The following MYH10 variants were observed in gnomAD, a reference collection of about 807,000 sequenced individuals.
MYH10 encodes myosin-10.
MYH10 carries 55 observed loss-of-function variants against 257.8 expected under a neutral mutation model. The observed-to-expected ratio is 0.21, with a 90% CI of 0.17 to 0.27. The LOEUF is 0.27. Among genes scored for constraint, MYH10 ranks in the 10% least tolerant of loss-of-function variants. The pLI is 1.00. For missense variants in MYH10, 1,631 were observed against 2,500.6 expected, an observed-to-expected ratio of 0.65 and a Z score of 7.42; for synonymous variants, 854 against 921.7, an observed-to-expected ratio of 0.93 and a Z score of 1.33.
At chr17:8,548,854 T>C in intron 9 of MYH10, 67 bp from the exon 10 acceptor site, 2 of 1,392,742 alleles carry the variant, frequency 1.4e-6, no homozygotes. Context: ...CATAACTGCA[T>C]TCAAACTGTG....
Position 8,545,422 on chromosome 17 carries a change from A to G in MYH10, c.1431+26T>C. 1 of 1,611,312 alleles carries G rather than the reference A, an allele frequency of 6.2e-7. No homozygotes were observed. The highest frequency in any genetic ancestry group is 8.5e-7 in the Non-Finnish European group (1 of 1,178,806). Reference sequence around the variant, plus strand: ...AAAAGAACAAACAAAAAGAAGGACGAGCTAGAGGAAGAGGGGGAAGAATAC... The same window carrying G: ...AAAAGAACAAACAAAAAGAAGGACGGGCTAGAGGAAGAGGGGGAAGAATAC... On this transcript the variant is annotated intron_variant, in intron 13 of 42. Transcript: ENST00000360416. This position sits in a 1 kb window ranked among gnomAD's most constrained non-coding sequence, Gnocchi z 4.7.
intron 7 of MYH10, among the ~76,000 whole-genome samples, chr17:8,558,903 C>A (rs1318928487): frequency 6.6e-6 from 1 of 152,178 alleles, no homozygotes; most frequent in Non-Finnish European, 1.5e-5. Flanking sequence ...CTGCTTTCTG[C>A]ATTTGTCCAC....
chr17:8,491,372 T>G (rs1000261116), intron 34 of MYH10, among the ~76,000 whole-genome samples: 2 of 152,238 alleles, frequency 1.3e-5, no homozygotes, highest in African/African-American at 4.8e-5. Flanking sequence ...TTTCACTGTG[T>G]AACCATGGCC....
intron 9 of MYH10, among the ~76,000 whole-genome samples, chr17:8,550,456 C>T (rs1230221874): frequency 2.0e-5 from 3 of 151,534 alleles, no homozygotes; most frequent in Admixed American, 1.3e-4. Context: ...GCCCGGCAGC[C>T]GCCCCGTCTG....
chr17:8,564,358 C>T (rs934586467), intron 7 of MYH10, among the ~76,000 whole-genome samples: 2 of 152,232 alleles, frequency 1.3e-5, no homozygotes, highest in African/African-American at 2.4e-5. Context: ...TGAAATTTCA[C>T]TGTATACACA....
In MYH10 at chr17:8,513,875, G is replaced by T; in HGVS notation, c.2524C>A (p.Gln842Lys). The T allele has an allele frequency of 6.2e-7, 1 of 1,614,112 alleles. No individual in the cohort carries two copies. Among genetic ancestry groups the T allele is most frequent in the Non-Finnish European group, 8.5e-7 (1 of 1,179,952 alleles). ...AAGACCTTTAAGGCACTTAGTTGCT[G>T]CTGCTTCTTGGCAAAGGCCCTGAAG... ...LARKAFAKKQQQLSALKVLQR... is the reference protein window; with the variant it reads ...LARKAFAKKQKQLSALKVLQR... Residue 842 changes from glutamine to lysine, a missense_variant, in exon 22 of 43, where the codon CAG becomes AAG. Around this residue, in one of 11 missense-constraint regions of MYH10, gnomAD observed 116 missense variants for 221.6 expected, o/e 0.52. Transcript: ENST00000360416.
At chr17:8,518,419 CCA>C (rs1442703895) in intron 21 of MYH10, among the ~76,000 whole-genome samples, 1 of 152,138 alleles carries the variant, frequency 6.6e-6, no homozygotes, top group African/African-American at 2.4e-5. Flanking sequence ...CAGGCCTGAG[CCA>C]CCACGCCCAG....
chr17:8,547,069 G>A (rs1001040970), intron 11 of MYH10, among the ~76,000 whole-genome samples: 1 of 152,082 alleles, frequency 6.6e-6, no homozygotes, highest in South Asian at 2.1e-4. Flanking sequence ...CCCTACTGCT[G>A]GGAGGCTACC....
At chr17:8,536,575 T>C (rs2082144295) in intron 14 of MYH10, among the ~76,000 whole-genome samples, 1 of 151,872 alleles carries the variant, frequency 6.6e-6, no homozygotes, top group Non-Finnish European at 1.5e-5. Flanking sequence ...CCGAGGCAGG[T>C]GGATCACGAG....
intron 37 of MYH10, 48 bp downstream of exon 37, chr17:8,484,090 T>G: frequency 1.4e-6 from 2 of 1,477,062 alleles, no homozygotes; most frequent in African/African-American, 3.0e-5. Flanking sequence ...TGGAGAAATT[T>G]CAAGGGCAAA....
rs2081087414 is a variant in MYH10 at position 8,506,801 on chromosome 17, A to G, written c.3215-312T>C. The stretch of plus-strand genomic sequence containing the variant: ...GCTGGAATCCTCTCATGTCAAACAC[A>G]TCACTGTACCCAGGTTTGCAAAGTG... On this transcript the variant is annotated intron_variant, in intron 26 of 42. Transcript: ENST00000360416. The surrounding 1 kb of genome is among the most constrained non-coding windows in gnomAD (Gnocchi z 5.0). Among the ~76,000 whole-genome samples, 1 of 152,220 alleles carries G rather than the reference A, an allele frequency of 6.6e-6. No individual in the cohort carries two copies. The highest frequency in any genetic ancestry group is 2.4e-5 in the African/African-American group (1 of 41,454).
chr17:8,575,347 A>AC (rs1292346614), intron 6 of MYH10, among the ~76,000 whole-genome samples: 3 of 152,250 alleles, frequency 2.0e-5, no homozygotes, highest in African/African-American at 7.2e-5. Context: ...CAATAGCGAC[A>AC]CAAGTACAAA....
At chr17:8,602,094 G>A (rs907428893) in intron 3 of MYH10, among the ~76,000 whole-genome samples, 2 of 151,360 alleles carry the variant, frequency 1.3e-5, no homozygotes, top group African/African-American at 4.9e-5. Context: ...TCCCGCCTCA[G>A]CCTCCCGAGT....
chr17:8,622,076 T>C (rs566083469), intron 2 of MYH10, among the ~76,000 whole-genome samples: 86 of 152,318 alleles, frequency 5.6e-4, no homozygotes, highest in African/African-American at 1.9e-3. Context: ...GCACACTCCT[T>C]GTGTAAAATT....
chr17:8,531,984 C>G (rs2082015833), intron 16 of MYH10, among the ~76,000 whole-genome samples: 1 of 152,192 alleles, frequency 6.6e-6, no homozygotes, highest in Non-Finnish European at 1.5e-5. Flanking sequence ...ATGAAACAAA[C>G]TGTCCTCAAA....
intron 21 of MYH10, among the ~76,000 whole-genome samples, chr17:8,515,654 T>C (rs1163324592): frequency 2.0e-5 from 3 of 148,370 alleles, no homozygotes; most frequent in Non-Finnish European, 4.5e-5. Context: ...GCGATTCTCA[T>C]GCCTCAGCCT....
intron 17 of MYH10, among the ~76,000 whole-genome samples, chr17:8,522,268 T>C (rs547134107): frequency 6.6e-6 from 1 of 152,358 alleles, no homozygotes; most frequent in Non-Finnish European, 1.5e-5. Context: ...GACCTGACAC[T>C]GTATGAAGAG....
At chr17:8,614,238 G>C (rs972113943) in intron 2 of MYH10, among the ~76,000 whole-genome samples, 2 of 151,688 alleles carry the variant, frequency 1.3e-5, no homozygotes, top group African/African-American at 4.8e-5. Flanking sequence ...TTGACCAAGG[G>C]GGGAATCTAT....
intron 5 of MYH10, 48 bp downstream of exon 5, chr17:8,577,184 TGAAA>T: frequency 1.4e-6 from 2 of 1,456,658 alleles, no homozygotes; most frequent in African/African-American, 1.4e-5. Flanking sequence ...TTTTTGTTTC[TGAAA>T]TTATAAAAGA....
Sources: allele counts gnomAD v4.1 joint callset (sites outside exome capture counted in the v4.1 genomes callset), GRCh38; gene constraint gnomAD v4.1.1; regional missense constraint gnomAD v4.1.1; non-coding constraint Gnocchi (gnomAD v3.1); transcripts MANE v1.5; gene names NCBI Gene and HGNC (gene_info 2026-07-23, HGNC 2026-07-21).